Variants in MMP28 observed in about 807,000 individuals in gnomAD.
MMP28 encodes the protein matrix metallopeptidase 28, also known as matrix metalloproteinase-28.
MMP28 carries 55 observed loss-of-function variants against 60.5 expected under a neutral mutation model. The ratio of observed to expected loss-of-function variants is 0.91; its 90% confidence interval spans 0.73 to 1.14. The LOEUF (loss-of-function observed/expected upper bound fraction) is 1.14, where lower values mean the gene tolerates loss of function less well. Ranked by LOEUF, MMP28 falls within the 50% of genes most tolerant of loss-of-function variation. The pLI is 0.00. For missense variants in MMP28, 686 were observed against 738.3 expected, an observed-to-expected ratio of 0.93 and a Z score of 0.82; for synonymous variants, 318 against 312.5, an observed-to-expected ratio of 1.02 and a Z score of -0.18.
intron 4 of MMP28, 79 bp downstream of exon 4, chr17:35,773,101 G>C: frequency 7.5e-7 from 1 of 1,328,440 alleles, no homozygotes; most frequent in East Asian, 2.5e-5. Flanking sequence ...GAGGGTGAAT[G>C]CTTCATTGCC....
At chr17:35,763,074 A>G (rs2085855185), downstream of MMP28, among the ~76,000 whole-genome samples, 1 of 150,304 alleles carries the variant, frequency 6.7e-6, no homozygotes, top group Non-Finnish European at 1.5e-5. Flanking sequence ...GTGAGCCGAG[A>G]TGGCACCACT....
In MMP28 at chr17:35,778,868, C is replaced by T. The variant is rs114079187; in HGVS notation, c.379+20G>A. 4.9e-4 allele frequency: 784 copies of T among 1,614,024 alleles called. 8 individuals carry two copies. The African/African-American group carries it at 9.2e-3, about 19-fold the overall frequency. On this transcript the variant is annotated intron_variant, in intron 3 of 7. Transcript: ENST00000605424. ...AGACATTGGGAAATCTTGGCCTAGC[C>T]GGATTTTAACAGTGCTCACCTTGCT...
In MMP28 at chr17:35,768,336, C is replaced by A; in HGVS notation, c.894G>T (p.Lys298Asn). The change falls in exon 6 of 8, where the codon AAG becomes AAT. Residue 298 changes from lysine (K) to asparagine (N), a missense_variant. Physicochemically the swap from Lys to Asn is moderately conservative, Grantham distance 94 (BLOSUM62 0). Transcript: ENST00000605424. ...GGSVAVQLPGKLFTDFETWDS... is the reference protein window; with the variant it reads ...GGSVAVQLPGNLFTDFETWDS... ...CCCAGGTCTCAAAGTCAGTGAACAG[C>A]TTTCCTGGGAGCTGGACGGCCACTG... 1.9e-6 allele frequency: 3 copies of A among 1,612,948 alleles called. No individual in the cohort carries two copies. The highest frequency in any genetic ancestry group is 2.5e-6 in the Non-Finnish European group (3 of 1,179,448).
downstream of MMP28, among the ~76,000 whole-genome samples, chr17:35,765,298 A>G (rs181578745): frequency 9.8e-5 from 15 of 152,346 alleles, no homozygotes; most frequent in African/African-American, 3.1e-4. Context: ...AACCCTTGCC[A>G]GACCATTCTC....
At chr17:35,764,218 G>A (rs1489436865), downstream of MMP28, 10 of 1,547,124 alleles carry the variant, frequency 6.5e-6, no homozygotes, top group Middle Eastern at 2.2e-4. Flanking sequence ...CGCTGCGCCA[G>A]GAGTCCAGCA....
intron 4 of MMP28, among the ~76,000 whole-genome samples, chr17:35,771,992 A>G (rs1413225088): frequency 6.6e-6 from 1 of 151,932 alleles, no homozygotes; most frequent in Non-Finnish European, 1.5e-5. Flanking sequence ...AAGTTTGCCT[A>G]GAAGCTTGTC....
At chr17:35,783,069 C>G (rs555192544) in intron 1 of MMP28, among the ~76,000 whole-genome samples, 1 of 152,062 alleles carries the variant, frequency 6.6e-6, no homozygotes, top group East Asian at 1.9e-4. Context: ...CTTGTGATCC[C>G]CCCGCCTCAG....
At chr17:35,760,883 G>A (rs2085803174), downstream of MMP28, 2 of 1,607,542 alleles carry the variant, frequency 1.2e-6, no homozygotes, top group Admixed American at 1.7e-5. Flanking sequence ...TATGGGTTCT[G>A]GGCACCCTCT....
intron 2 of MMP28, 50 bp from the exon 3 acceptor site, chr17:35,779,125 G>A: frequency 6.3e-7 from 1 of 1,589,082 alleles, no homozygotes; most frequent in Non-Finnish European, 8.6e-7. Context: ...AAGGGTGAGG[G>A]CAGGGAAGTC....
At position 35,766,440 on chromosome 17, in the gene MMP28, G is replaced by A. The variant is rs938151190; in HGVS notation, c.*60C>T. On this transcript the variant is annotated 3_prime_UTR_variant, in exon 8 of 8. Transcript: ENST00000605424. The surrounding 1 kb of genome is among the most constrained non-coding windows in gnomAD (Gnocchi z 4.3). ...GCTTCTAAGAGGGGTTCTGCCCCGG[G>A]GGTGGGGAACATGATTTTGCCCTGA... The A allele has an allele frequency of 5.4e-6, 8 of 1,485,062 alleles. No homozygotes were observed. The highest frequency in any genetic ancestry group is 2.5e-4 in the Middle Eastern group (1 of 4,076). The allele number at this position is 1,485,062 out of a possible 1,614,324, so 92.0% of individuals were successfully genotyped here.
intron 1 of MMP28, among the ~76,000 whole-genome samples, chr17:35,784,584 A>G (rs1053442489): frequency 6.6e-6 from 1 of 151,966 alleles, no homozygotes; most frequent in African/African-American, 2.4e-5. Context: ...GAAATGGTCT[A>G]CTCTGCACAG....
chr17:35,775,358 C>T (rs1253143007), intron 3 of MMP28, among the ~76,000 whole-genome samples: 5 of 152,170 alleles, frequency 3.3e-5, no homozygotes. Flanking sequence ...GACCCAAACT[C>T]CTGGCCAGGG....
At chr17:35,770,020 T>G (rs3826404) in intron 5 of MMP28, 47 bp downstream of exon 5, 296,568 of 1,494,460 alleles carry the variant, frequency 0.2, 31,743 homozygotes, top group African/African-American at 0.36. Context: ...CAGGAGGCCT[T>G]GGGGGCAGGA....
At chr17:35,767,704 C>T (rs1555603961) in intron 7 of MMP28, 48 bp downstream of exon 7, 1 of 1,547,434 alleles carries the variant, frequency 6.5e-7, no homozygotes, top group Non-Finnish European at 8.7e-7. Flanking sequence ...GGGCAGGACA[C>T]CTTCCCTCTC....
intron 1 of MMP28, among the ~76,000 whole-genome samples, chr17:35,791,396 G>A (rs1369862617): frequency 6.6e-6 from 1 of 151,956 alleles, no homozygotes; most frequent in African/African-American, 2.4e-5. Context: ...GAATTAGTTG[G>A]GCATGGTGGT....
intron 3 of MMP28, among the ~76,000 whole-genome samples, chr17:35,777,483 C>A (rs1455309893): frequency 6.6e-6 from 1 of 152,202 alleles, no homozygotes; most frequent in East Asian, 1.9e-4. Flanking sequence ...GAAACAGCCA[C>A]CCTCCAACAG....
downstream of MMP28, chr17:35,761,018 T>C: frequency 2.0e-6 from 3 of 1,533,872 alleles, no homozygotes; most frequent in Non-Finnish European, 1.8e-6. Context: ...GCTTGGACAA[T>C]CCAGCCCATC....
chr17:35,791,375 A>G (rs2086810241), intron 1 of MMP28, among the ~76,000 whole-genome samples: 1 of 151,978 alleles, frequency 6.6e-6, no homozygotes, highest in African/African-American at 2.4e-5. Context: ...CATCTCTACA[A>G]AAATATTTTA....
Position 35,789,814 on chromosome 17 carries a change from T to G in MMP28, c.111+5453A>C, listed in dbSNP as rs147959626. 8.9e-3 allele frequency among the ~76,000 whole-genome samples: 1,343 copies of G among 151,286 alleles called. 29 individuals are homozygous for G. The highest frequency in any genetic ancestry group is 0.031 in the African/African-American group (1,263 of 41,132). On this transcript the variant is annotated intron_variant, in intron 1 of 7. Coordinates refer to ENST00000605424, the MANE Select transcript of MMP28 (RefSeq NM_024302.5). ...GAGTCTCGCTCTGCTCAAGCTGGAG[T>G]GCAGTGGCGCGATCTCGGCTCACTG...
Sources: allele counts gnomAD v4.1 joint callset (sites outside exome capture counted in the v4.1 genomes callset), GRCh38; gene constraint gnomAD v4.1.1; non-coding constraint Gnocchi (gnomAD v3.1); transcripts MANE v1.5; gene names NCBI Gene and HGNC (gene_info 2026-07-23, HGNC 2026-07-21).